Variants in SLC36A1 observed in about 807,000 individuals in gnomAD.
SLC36A1 encodes proton-coupled amino acid transporter 1.
Under a neutral mutation model 47.5 loss-of-function variants are expected in SLC36A1, and 30 were observed. The ratio of observed to expected loss-of-function variants is 0.63; its 90% CI spans 0.47 to 0.86. SLC36A1 has a LOEUF of 0.86. SLC36A1 is among the 40% of genes least tolerant of loss of function. SLC36A1 has a pLI of 0.00. For missense variants in SLC36A1, 517 were observed against 606.0 expected, an observed-to-expected ratio of 0.85 and a Z score of 1.54; for synonymous variants, 255 against 249.7, an observed-to-expected ratio of 1.02 and a Z score of -0.20.
chr5:151,540,735 G>C, the SLC36A1 span: 1 of 1,614,062 alleles, frequency 6.2e-7, no homozygotes, highest in South Asian at 1.1e-5. Flanking sequence ...CAACTTGGCT[G>C]ATGCCAAACT....
the SLC36A1 span, chr5:151,527,485 C>T: frequency 1.4e-5 from 16 of 1,123,722 alleles, 1 homozygote; most frequent in East Asian, 1.3e-4. Context: ...AGACACTTTC[C>T]TATGCCCACC....
At chr5:151,545,482 A>G in the SLC36A1 span, 31 of 1,614,166 alleles carry the variant, frequency 1.9e-5, no homozygotes, top group South Asian at 1.9e-4. Context: ...GATAGGCCCG[A>G]CTATTGCTAC....
chr5:151,497,989 A>G, the SLC36A1 span, among the ~76,000 whole-genome samples: 1 of 148,284 alleles, frequency 6.7e-6, no homozygotes, highest in South Asian at 2.1e-4. Context: ...CTAATCCCCC[A>G]GGCTGGAGTA....
At chr5:151,553,263 G>T in the SLC36A1 span, 1 of 1,614,262 alleles carries the variant, frequency 6.2e-7, no homozygotes, top group East Asian at 2.2e-5. Context: ...CTCCATGACC[G>T]TAAAGCTGTA....
chr5:151,506,564 G>A, the SLC36A1 span, among the ~76,000 whole-genome samples: 20 of 152,328 alleles, frequency 1.3e-4, no homozygotes, highest in African/African-American at 4.8e-4. Context: ...TCCTAGCCCT[G>A]CCTCTGCTAC....
chr5:151,459,544 A>AT (rs1755200931), intron 2 of SLC36A1, among the ~76,000 whole-genome samples: 1 of 152,214 alleles, frequency 6.6e-6, no homozygotes, highest in South Asian at 2.1e-4. Flanking sequence ...CCACAAAGCT[A>AT]TGCTGGCTGT....
chr5:151,408,460 TACA>T, the SLC36A1 span, among the ~76,000 whole-genome samples: 1 of 152,174 alleles, frequency 6.6e-6, no homozygotes, highest in Non-Finnish European at 1.5e-5. Flanking sequence ...GTGCTGGGAT[TACA>T]GGCGTGAACC....
At chr5:151,453,494 G>A (rs1753985008) in intron 1 of SLC36A1, among the ~76,000 whole-genome samples, 1 of 151,508 alleles carries the variant, frequency 6.6e-6, no homozygotes, top group Non-Finnish European at 1.5e-5. Context: ...TTACTGTACT[G>A]GATGGTACAA....
chr5:151,383,219 G>A, the SLC36A1 span, among the ~76,000 whole-genome samples: 1 of 152,130 alleles, frequency 6.6e-6, no homozygotes, highest in Non-Finnish European at 1.5e-5. Context: ...TGGCTGGCTG[G>A]AGGACACCTG....
chr5:151,361,961 A>G, the SLC36A1 span, among the ~76,000 whole-genome samples: 1 of 151,930 alleles, frequency 6.6e-6, no homozygotes, highest in Non-Finnish European at 1.5e-5. Context: ...AAGCTCCTTT[A>G]TACATTGTTT....
the SLC36A1 span, among the ~76,000 whole-genome samples, chr5:151,500,212 A>G: frequency 1.2e-4 from 19 of 152,208 alleles, no homozygotes; most frequent in Admixed American, 1.2e-3. Flanking sequence ...CTCCCGAGTC[A>G]GGCCGACCTG....
chr5:151,523,170 A>C, the SLC36A1 span, among the ~76,000 whole-genome samples: 1 of 152,176 alleles, frequency 6.6e-6, no homozygotes, highest in Admixed American at 6.5e-5. Context: ...CTACTGCTGG[A>C]AGTCATGCAT....
At chr5:151,531,576 C>T in the SLC36A1 span, 10 of 1,611,588 alleles carry the variant, frequency 6.2e-6, no homozygotes, top group Non-Finnish European at 7.6e-6. The surrounding 1 kb of genome is among the most constrained non-coding windows in gnomAD (Gnocchi z 5.7). Context: ...CTTGGTGGAT[C>T]AGGCTCTCAC....
the SLC36A1 span, among the ~76,000 whole-genome samples, chr5:151,526,447 C>G: frequency 6.6e-6 from 1 of 152,100 alleles, no homozygotes; most frequent in African/African-American, 2.4e-5. Flanking sequence ...TAAGAAAAAC[C>G]AGATTCCCTG....
the SLC36A1 span, among the ~76,000 whole-genome samples, chr5:151,426,148 TTG>T: frequency 1.3e-5 from 2 of 152,258 alleles, no homozygotes; most frequent in East Asian, 3.8e-4. Context: ...ATTCTGTTGG[TTG>T]TGTCTGAAGG....
the SLC36A1 span, among the ~76,000 whole-genome samples, chr5:151,392,561 A>C: frequency 6.6e-6 from 1 of 151,978 alleles, no homozygotes; most frequent in East Asian, 1.9e-4. Flanking sequence ...TTCCCTCTAC[A>C]CTCTGCCTTA....
At chr5:151,448,506 G>T (rs1753154772) in intron 1 of SLC36A1, among the ~76,000 whole-genome samples, 1 of 152,130 alleles carries the variant, frequency 6.6e-6, no homozygotes, top group African/African-American at 2.4e-5. Context: ...CTGTAGGTTT[G>T]GTTTCTAACC....
chr5:151,414,931 C>T, the SLC36A1 span, among the ~76,000 whole-genome samples: 25,438 of 152,056 alleles, frequency 0.17, 2,349 homozygotes, highest in East Asian at 0.38. Flanking sequence ...AGACCTCCTC[C>T]AGCTCCAGAA....
At chr5:151,555,723 C>T in the SLC36A1 span, among the ~76,000 whole-genome samples, 1 of 152,196 alleles carries the variant, frequency 6.6e-6, no homozygotes, top group East Asian at 1.9e-4. Context: ...CTGGAAGTAT[C>T]AAAGGCAAAA....
Sources: gnomAD v4.1 joint callset for allele counts (sites outside exome capture counted in the v4.1 genomes callset) on GRCh38, gnomAD v4.1.1 for gene constraint, Gnocchi (gnomAD v3.1) non-coding constraint, MANE v1.5 for transcripts, NCBI Gene and HGNC (gene_info 2026-07-23, HGNC 2026-07-21) for gene names.